ABCA13: variants seen among roughly 807,000 people sequenced by gnomAD.
ABCA13 encodes ATP binding cassette subfamily A member 13, also known as ATP-binding cassette sub-family A member 13.
ABCA13 carries 476 observed loss-of-function variants against 478.7 expected under a neutral mutation model. The observed-to-expected ratio is 0.99, with a 90% confidence interval of 0.92 to 1.07. The LOEUF is 1.07. ABCA13 is among the 50% of genes least tolerant of loss of function. The probability of loss-of-function intolerance (pLI) is 0.00; values close to 1 mark genes in which losing one functional copy is unlikely to be tolerated. For missense variants in ABCA13, 6,060 were observed against 5,910.6 expected (o/e 1.03, Z -0.83); for synonymous variants, 2,252 against 2,158.9 (o/e 1.04, Z -1.20).
intron 59 of ABCA13, among the ~76,000 whole-genome samples, chr7:48,629,354 G>T (rs754805722): frequency 6.6e-6 from 1 of 152,064 alleles, no homozygotes. Flanking sequence ...CAAGGAAATG[G>T]ATTTCTTTAT....
intron 1 of ABCA13, among the ~76,000 whole-genome samples, chr7:48,187,096 A>T (rs1488157787): frequency 6.7e-6 from 1 of 150,218 alleles, no homozygotes; most frequent in Non-Finnish European, 1.5e-5. Context: ...ATATATATAC[A>T]TATATATTTG....
chr7:48,387,753 A>G, intron 35 of ABCA13, 69 bp from the exon 36 acceptor site: 2 of 1,216,732 alleles, frequency 1.6e-6, no homozygotes, highest in South Asian at 3.3e-5. Context: ...TTAATTACTT[A>G]AGATATTCTA....
chr7:48,621,967 C>G (rs1220143498), intron 59 of ABCA13, among the ~76,000 whole-genome samples: 2 of 152,132 alleles, frequency 1.3e-5, no homozygotes, highest in Non-Finnish European at 2.9e-5. Flanking sequence ...CCCAGAAGGA[C>G]AGACAGCATC....
At chr7:48,571,095 C>T (rs1241166101) in intron 55 of ABCA13, among the ~76,000 whole-genome samples, 1 of 152,118 alleles carries the variant, frequency 6.6e-6, no homozygotes, top group Non-Finnish European at 1.5e-5. Flanking sequence ...CATAGCTCCT[C>T]TCCCATTTAT....
chr7:48,218,006 C>G (rs753788035), intron 3 of ABCA13, among the ~76,000 whole-genome samples: 5 of 152,240 alleles, frequency 3.3e-5, no homozygotes, highest in Non-Finnish European at 7.3e-5. Context: ...TTCACTCTCT[C>G]TCTCACACAT....
intron 43 of ABCA13, among the ~76,000 whole-genome samples, chr7:48,466,002 C>T (rs1473271909): frequency 6.6e-6 from 1 of 151,988 alleles, no homozygotes; most frequent in Non-Finnish European, 1.5e-5. Flanking sequence ...TGATTATATA[C>T]CATTTTTGAA....
In ABCA13 at chr7:48,273,036, T is replaced by C; in HGVS notation, c.3370T>C (p.Leu1124=). The C allele has an allele frequency of 1.2e-6, 2 of 1,613,670 alleles. No individual in the cohort carries two copies. The highest frequency in any genetic ancestry group is 1.7e-6 in the Non-Finnish European group (2 of 1,179,742). ...TSEESSFVFP[L]AQIFSNLSAN... The stretch of plus-strand genomic sequence containing the variant: ...TGAGGAGTCTTCATTTGTTTTTCCA[T>C]TGGCACAAATTTTTTCAAACCTCTC... The change falls in exon 17 of 62, where the codon TTG becomes CTG. Residue 1124 remains leucine (L), a synonymous_variant. Coordinates refer to ENST00000435803, the MANE Select transcript of ABCA13 (RefSeq NM_152701.5).
chr7:48,203,895 G>A lies in ABCA13; in HGVS notation c.287+5535G>A, dbSNP rs1332114528. Among the ~76,000 whole-genome samples, 3 of 152,212 alleles carry A rather than the reference G, an allele frequency of 2.0e-5. No homozygotes were observed. In the East Asian group the frequency reaches 5.8e-4, roughly 29 times the overall value. On this transcript the variant is annotated intron_variant, in intron 3 of 61. Coordinates refer to ENST00000435803, the MANE Select transcript of ABCA13 (RefSeq NM_152701.5). The stretch of plus-strand genomic sequence containing the variant: ...CCTTTCATTTCCAGTTTCTTGAAAT[G>A]TTTCCAGCCATTTCCTACTGGTCTC...
chr7:48,436,205 A>C (rs1339624511), intron 42 of ABCA13, among the ~76,000 whole-genome samples: 7 of 151,566 alleles, frequency 4.6e-5, no homozygotes, highest in Non-Finnish European at 1.0e-4. Flanking sequence ...CTATCTCCTC[A>C]CTAGTTATAG....
At chr7:48,361,346 C>T (rs1316317008) in intron 31 of ABCA13, among the ~76,000 whole-genome samples, 1 of 151,448 alleles carries the variant, frequency 6.6e-6, no homozygotes, top group East Asian at 1.9e-4. Context: ...TCCCTTTCTC[C>T]CTACTCATCC....
In ABCA13 at chr7:48,279,790, G is replaced by T. The variant is rs551407561; in HGVS notation, c.8596G>T (p.Glu2866Ter). 10 of 1,604,800 alleles carry T rather than the reference G, an allele frequency of 6.2e-6. No individual in the cohort carries two copies. The highest frequency in any genetic ancestry group is 1.7e-5 in the Admixed American group (1 of 57,588). The change falls in exon 18 of 62, where the codon GAA (glutamate) becomes TAA (stop). Residue 2866 changes from glutamate to a stop codon, truncating the protein, a stop_gained. Coordinates refer to ENST00000435803, the MANE Select transcript of ABCA13 (RefSeq NM_152701.5). LOFTEE classifies it high-confidence loss of function. The stretch of plus-strand genomic sequence containing the variant: ...CGGAAAGAATGTCACATCAGAAAAA[G>T]AAGAGAGAACCAAGAAAGAGATGAT... ...TTGKNVTSEKEERTKKEMIDF... is the reference protein window; with the variant it reads ...TTGKNVTSEK
chr7:48,615,346 T>A lies in ABCA13; in HGVS notation c.14806T>A (p.Cys4936Ser). Reference protein sequence around the residue: ...LAIMVNGSFKCLGSPQHIKNR... With the variant: ...LAIMVNGSFKSLGSPQHIKNR... ...CATAATGGTTAACGGCAGCTTCAAA[T>A]GTCTTGGTTCTCCTCAGCACATCAA... The change falls in exon 59 of 62, where the codon TGT (cysteine) becomes AGT (serine). Residue 4936 changes from cysteine (C) to serine (S), a missense_variant. Physicochemically the swap from Cys to Ser is moderately radical, Grantham distance 112. Transcript: ENST00000435803. The A allele has an allele frequency of 6.3e-7, 1 of 1,576,552 alleles. No homozygotes were observed. Among genetic ancestry groups the A allele is most frequent in the Non-Finnish European group, 8.6e-7 (1 of 1,159,670 alleles).
chr7:48,614,049 C>T (rs1348497261), intron 58 of ABCA13, among the ~76,000 whole-genome samples: 3 of 148,738 alleles, frequency 2.0e-5, no homozygotes, highest in African/African-American at 7.3e-5. Context: ...TATGTTTACA[C>T]TTAAGGTAAT....
chr7:48,431,342 AAACAACAACAACAACAACAAC>A (rs56675430), intron 42 of ABCA13, among the ~76,000 whole-genome samples: 3 of 147,926 alleles, frequency 2.0e-5, no homozygotes, highest in Non-Finnish European at 4.5e-5. Flanking sequence ...ATTCTGTCTC[AAACAACAACAACAACAACAAC>A]AACAACAACA....
intron 31 of ABCA13, among the ~76,000 whole-genome samples, chr7:48,357,742 C>T (rs1810155871): frequency 6.6e-6 from 1 of 151,950 alleles, no homozygotes; most frequent in Non-Finnish European, 1.5e-5. Context: ...CATCTTAATA[C>T]CCCTCACTCC....
Position 48,314,387 on chromosome 7 carries a change from A to G in ABCA13, c.9837A>G (p.Lys3279=). The change falls in exon 26 of 62, where the codon AAA becomes AAG. Residue 3279 remains lysine, a synonymous_variant. Transcript: ENST00000435803. The part of the protein sequence containing the change: ...VKELLEDDKE[K]FNIPEDSTPF... The stretch of plus-strand genomic sequence containing the variant: ...AACTCTTGGAAGATGACAAAGAAAA[A>G]TTCAACATTCCTGAAGATTCAAGTA... 1 of 1,597,540 alleles carries G rather than the reference A, an allele frequency of 6.3e-7. No homozygotes were observed. The highest frequency in any genetic ancestry group is 8.5e-7 in the Non-Finnish European group (1 of 1,171,156).
At chr7:48,387,036 A>G (rs1367852974) in intron 35 of ABCA13, among the ~76,000 whole-genome samples, 1 of 152,168 alleles carries the variant, frequency 6.6e-6, no homozygotes, top group Non-Finnish European at 1.5e-5. Flanking sequence ...CTTTGAGTGC[A>G]TGAACATCTC....
intron 42 of ABCA13, among the ~76,000 whole-genome samples, chr7:48,442,319 C>G (rs1823732547): frequency 6.6e-6 from 1 of 152,148 alleles, no homozygotes; most frequent in African/African-American, 2.4e-5. Flanking sequence ...TCATTTCTCA[C>G]AGTTATTTTC....
chr7:48,358,878 T>C (rs1025808565), intron 31 of ABCA13, among the ~76,000 whole-genome samples: 1 of 151,982 alleles, frequency 6.6e-6, no homozygotes, highest in Non-Finnish European at 1.5e-5. Context: ...AAAGTCTCCT[T>C]CTTTAGACAT....
Sources: allele counts gnomAD v4.1 joint callset (sites outside exome capture counted in the v4.1 genomes callset), GRCh38; gene constraint gnomAD v4.1.1; transcripts MANE v1.5; gene names NCBI Gene and HGNC (gene_info 2026-07-23, HGNC 2026-07-21).